Variants in PDE7B observed in about 807,000 individuals in gnomAD.
PDE7B encodes the protein phosphodiesterase 7B, also known as 3',5'-cyclic-AMP phosphodiesterase 7B.
PDE7B carries 29 observed loss-of-function variants against 56.2 expected under a neutral mutation model. That is an observed-to-expected ratio of 0.52 (90% CI 0.38 to 0.70). The LOEUF is 0.70. Among genes scored for constraint, PDE7B ranks in the 30% least tolerant of loss-of-function variants. The pLI, the probability that PDE7B is intolerant of heterozygous loss-of-function variation, is 0.00. For missense variants in PDE7B, 490 were observed against 565.0 expected (o/e 0.87, Z 1.35); for synonymous variants, 197 against 196.9 (o/e 1.00, Z 0.00).
In PDE7B at chr6:136,164,224, C is replaced by T. The variant is rs144895705; in HGVS notation, c.711+8466C>T. On this transcript the variant is annotated intron_variant, in intron 8 of 12. Coordinates refer to ENST00000308191, the MANE Select transcript of PDE7B (RefSeq NM_018945.4). ...GGAGAGGCAAACACATCCTTCTTCA[C>T]ATGGTGGCAGGAAGGAGAAGTGCCA... 1.8e-4 allele frequency among the ~76,000 whole-genome samples: 28 copies of T among 152,310 alleles called. No individual in the cohort carries two copies. In the East Asian group the frequency reaches 5.2e-3, roughly 28 times the overall value.
At chr6:136,059,334 A>C (rs1467620916) in intron 2 of PDE7B, among the ~76,000 whole-genome samples, 1 of 152,226 alleles carries the variant, frequency 6.6e-6, no homozygotes, top group Non-Finnish European at 1.5e-5. Flanking sequence ...CTCTGACCCC[A>C]ATTGCTTAAT....
chr6:135,984,436 T>C (rs867878554), intron 2 of PDE7B, among the ~76,000 whole-genome samples: 1 of 152,134 alleles, frequency 6.6e-6, no homozygotes, highest in Non-Finnish European at 1.5e-5. Flanking sequence ...CTCAGAGAGA[T>C]AGACATTTTC....
At chr6:136,146,344 AAAT>A (rs371345070) in intron 3 of PDE7B, among the ~76,000 whole-genome samples, 90 of 152,326 alleles carry the variant, frequency 5.9e-4, no homozygotes, top group African/African-American at 2.1e-3. Context: ...ACAGACATTC[AAAT>A]AATGTGTTTG....
chr6:136,150,963 T>G (rs908842255), intron 5 of PDE7B, among the ~76,000 whole-genome samples, 197 bp from the exon 6 acceptor site: 2 of 152,188 alleles, frequency 1.3e-5, no homozygotes, highest in African/African-American at 4.8e-5. Flanking sequence ...TCTGAGCTAA[T>G]TTTACTTGTA....
chr6:136,063,403 T>C (rs1007555430), intron 2 of PDE7B, among the ~76,000 whole-genome samples: 4 of 152,188 alleles, frequency 2.6e-5, no homozygotes, highest in African/African-American at 4.8e-5. Context: ...AGGAACTATG[T>C]ATACTCATTA....
At chr6:136,006,317 G>T (rs9689307) in intron 2 of PDE7B, among the ~76,000 whole-genome samples, 20,082 of 151,646 alleles carry the variant, frequency 0.13, 2,891 homozygotes, top group African/African-American at 0.36. Context: ...TAACTAACCT[G>T]TACATTGTGC....
intron 2 of PDE7B, among the ~76,000 whole-genome samples, chr6:135,957,670 C>A (rs1031054172): frequency 6.6e-6 from 1 of 152,080 alleles, no homozygotes; most frequent in African/African-American, 2.4e-5. Flanking sequence ...TTTCTAGCAC[C>A]CTGTGTTGGC....
chr6:135,867,049 G>A (rs1373972952), intron 1 of PDE7B, among the ~76,000 whole-genome samples: 1 of 152,116 alleles, frequency 6.6e-6, no homozygotes, highest in African/African-American at 2.4e-5. Flanking sequence ...TCGAGCACAG[G>A]TGAACTTGAA....
intron 2 of PDE7B, among the ~76,000 whole-genome samples, chr6:135,991,062 G>T (rs1775470536): frequency 6.6e-6 from 1 of 152,194 alleles, no homozygotes; most frequent in African/African-American, 2.4e-5. Context: ...CATGGCATTT[G>T]TAAACTGTCA....
At chr6:136,137,458 G>A (rs1401561271) in intron 3 of PDE7B, among the ~76,000 whole-genome samples, 2 of 152,046 alleles carry the variant, frequency 1.3e-5, no homozygotes, top group East Asian at 3.9e-4. Context: ...ATCTCCACGG[G>A]TGCTTAACAG....
At chr6:135,883,436 T>C (rs1473411392) in intron 1 of PDE7B, among the ~76,000 whole-genome samples, 2 of 152,194 alleles carry the variant, frequency 1.3e-5, no homozygotes, top group East Asian at 3.8e-4. Context: ...TTAATTCTCC[T>C]AGGCCATCAA....
chr6:136,109,855 A>G (rs1777712948), intron 3 of PDE7B, among the ~76,000 whole-genome samples: 1 of 152,214 alleles, frequency 6.6e-6, no homozygotes, highest in Non-Finnish European at 1.5e-5. Flanking sequence ...ATTTGCTCCA[A>G]GGTTTTCAGT....
intron 1 of PDE7B, among the ~76,000 whole-genome samples, chr6:135,913,308 G>A (rs1286972430): frequency 6.6e-6 from 1 of 152,062 alleles, no homozygotes; most frequent in Non-Finnish European, 1.5e-5. Context: ...CCAGTCCAGG[G>A]CCTGTGCTGC....
At chr6:136,129,271 T>C (rs1778075319) in intron 3 of PDE7B, among the ~76,000 whole-genome samples, 1 of 152,194 alleles carries the variant, frequency 6.6e-6, no homozygotes, top group African/African-American at 2.4e-5. Context: ...TCAGCACCTG[T>C]AGCAGAGACT....
At chr6:135,916,234 GTT>G (rs538019685) in intron 1 of PDE7B, among the ~76,000 whole-genome samples, 1,706 of 152,074 alleles carry the variant, frequency 0.011, 27 homozygotes, top group African/African-American at 0.039. Context: ...TGTTGTTGTT[GTT>G]GTGTTAAGTT....
At chr6:136,121,133 T>C (rs1777926681) in intron 3 of PDE7B, among the ~76,000 whole-genome samples, 1 of 152,126 alleles carries the variant, frequency 6.6e-6, no homozygotes, top group African/African-American at 2.4e-5. Context: ...CACATGATCA[T>C]CCACTACTGG....
At chr6:136,129,738 G>T (rs1252618796) in intron 3 of PDE7B, among the ~76,000 whole-genome samples, 6 of 152,156 alleles carry the variant, frequency 3.9e-5, no homozygotes, top group Non-Finnish European at 8.8e-5. Context: ...CTTCTCTTTG[G>T]CCATTCTAAA....
intron 2 of PDE7B, among the ~76,000 whole-genome samples, chr6:136,093,172 A>G (rs1285511779): frequency 1.3e-5 from 2 of 152,232 alleles, no homozygotes; most frequent in African/African-American, 4.8e-5. Context: ...GATGGCTGTG[A>G]AAACAAACGA....
chr6:135,852,184 G>A (rs755638957), intron 1 of PDE7B, among the ~76,000 whole-genome samples, 165 bp downstream of exon 1: 24 of 151,776 alleles, frequency 1.6e-4, no homozygotes, highest in Non-Finnish European at 3.5e-4. Context: ...TTTTCTAGGC[G>A]AACTGACTAA....
Sources: gnomAD v4.1 joint callset for allele counts (sites outside exome capture counted in the v4.1 genomes callset) on GRCh38, gnomAD v4.1.1 for gene constraint, MANE v1.5 for transcripts, NCBI Gene and HGNC (gene_info 2026-07-23, HGNC 2026-07-21) for gene names.